The following SLC8A1 variants were observed in gnomAD, a reference collection of about 807,000 sequenced individuals.
SLC8A1 encodes the protein solute carrier family 8 member A1, also known as sodium/calcium exchanger 1.
SLC8A1 carries 18 observed loss-of-function variants against 68.3 expected under a neutral mutation model. The observed-to-expected ratio is 0.26, with a 90% confidence interval of 0.18 to 0.39. The LOEUF (loss-of-function observed/expected upper bound fraction) is 0.39. Among genes scored for constraint, SLC8A1 ranks in the 10% least tolerant of loss-of-function variants. The pLI, the probability that SLC8A1 is intolerant of heterozygous loss-of-function variation, is 1.00. For synonymous variants in SLC8A1, 475 were observed against 415.5 expected, an observed-to-expected ratio of 1.14 and a Z score of -1.74; for missense variants, 985 against 1,156.7, an observed-to-expected ratio of 0.85 and a Z score of 2.15.
chr2:40,444,685 C>G lies in SLC8A1; in HGVS notation c.-25+7219G>C, dbSNP rs529196230. Among the ~76,000 whole-genome samples the G allele has an allele frequency of 1.2e-4, 18 of 152,174 alleles. No homozygotes were observed. The East Asian group carries it at 2.5e-3, about 21-fold the overall frequency. ...AAATGTTTCTTACCTTTTAAAATTA[C>G]TGGAAAAAAAAGAATATTGCATGAT... is the stretch of plus-strand genomic sequence containing the variant. On this transcript the variant is annotated intron_variant, in intron 1 of 7. Coordinates refer to ENST00000406785, the Ensembl canonical transcript of SLC8A1.
At chr2:40,244,264 T>C (rs2061560875) in intron 2 of SLC8A1, among the ~76,000 whole-genome samples, 1 of 152,224 alleles carries the variant, frequency 6.6e-6, no homozygotes, top group African/African-American at 2.4e-5. Context: ...TCAGTGCACA[T>C]GAAGAGACCC....
chr2:40,236,481 A>C (rs1249885609), intron 2 of SLC8A1, among the ~76,000 whole-genome samples: 4 of 151,454 alleles, frequency 2.6e-5, no homozygotes, highest in Admixed American at 1.3e-4. Flanking sequence ...TTTTATTTTG[A>C]GCCTATGTGT....
chr2:40,358,816 A>C (rs556039749), intron 2 of SLC8A1, among the ~76,000 whole-genome samples: 2 of 152,206 alleles, frequency 1.3e-5, no homozygotes, highest in Non-Finnish European at 2.9e-5. Context: ...ACACTAATGA[A>C]TTTACAATGA....
chr2:40,376,666 G>A (rs76330953), intron 2 of SLC8A1, among the ~76,000 whole-genome samples: 4,129 of 152,210 alleles, frequency 0.027, 85 homozygotes, highest in Non-Finnish European at 0.04. Flanking sequence ...AGGCAACCAT[G>A]GAGTCACTTA....
chr2:40,353,386 C>T (rs1671705877), intron 2 of SLC8A1, among the ~76,000 whole-genome samples: 1 of 152,124 alleles, frequency 6.6e-6, no homozygotes, highest in Non-Finnish European at 1.5e-5. Context: ...AACTTGGCCT[C>T]ATCTGTGACC....
rs368503513 is a variant in SLC8A1 at position 40,357,254 on chromosome 2, G to A, written c.1808+71219C>T. Among the ~76,000 whole-genome samples the A allele has an allele frequency of 1.8e-3, 279 of 152,232 alleles. 8 individuals carry two copies. In the South Asian group the frequency reaches 0.055, roughly 30 times the overall value. ...TACCTCTAATCTCAGCACTTTGGGA[G>A]GCCGAAGCAGGAGGATCCCTTGAGC... On this transcript the variant is annotated intron_variant, in intron 2 of 7. Coordinates refer to ENST00000406785, the Ensembl canonical transcript of SLC8A1.
chr2:40,454,484 T>C (rs959324154), upstream of SLC8A1, among the ~76,000 whole-genome samples: 8 of 151,354 alleles, frequency 5.3e-5, no homozygotes, highest in African/African-American at 1.9e-4. Context: ...TTAAGACTTT[T>C]TTTTTTTTTT....
At chr2:40,369,966 G>A (rs1173474726) in intron 2 of SLC8A1, among the ~76,000 whole-genome samples, 1 of 152,024 alleles carries the variant, frequency 6.6e-6, no homozygotes, top group African/African-American at 2.4e-5. Context: ...TTTCTGTAAA[G>A]ATAAAGATCT....
intron 2 of SLC8A1, among the ~76,000 whole-genome samples, chr2:40,348,695 A>T (rs1670112374): frequency 6.6e-6 from 1 of 152,050 alleles, no homozygotes; most frequent in Non-Finnish European, 1.5e-5. Context: ...CTAGTGCTGA[A>T]ACGTGACCAG....
exon 8 of SLC8A1, chr2:40,101,001 A>T (rs1038423995): frequency 2.0e-5 from 3 of 152,194 alleles, no homozygotes; most frequent in Admixed American, 1.3e-4. Flanking sequence ...ATCAAAATGC[A>T]TATGAGTATT....
exon 7 of SLC8A1, chr2:40,139,673 T>A: frequency 6.2e-7 from 1 of 1,612,614 alleles, no homozygotes. Flanking sequence ...GTCATCATCT[T>A]CCCCTAGAGA....
chr2:40,175,509 T>TGC (rs1046489170), intron 3 of SLC8A1, among the ~76,000 whole-genome samples: 31 of 148,334 alleles, frequency 2.1e-4, no homozygotes, highest in Admixed American at 1.3e-3. Context: ...TACGTATATG[T>TGC]GTGTGTGTGT....
chr2:40,262,256 C>T (rs999627581), intron 2 of SLC8A1, among the ~76,000 whole-genome samples: 1 of 152,132 alleles, frequency 6.6e-6, no homozygotes, highest in Non-Finnish European at 1.5e-5. Flanking sequence ...CCACCGCACC[C>T]GGCCCTCTCT....
chr2:40,203,085 G>T (rs777152294), intron 2 of SLC8A1, among the ~76,000 whole-genome samples: 11 of 151,938 alleles, frequency 7.2e-5, no homozygotes, highest in Admixed American at 6.6e-4. Flanking sequence ...GCTCACAGTC[G>T]ATAAAACAAA....
intron 2 of SLC8A1, among the ~76,000 whole-genome samples, chr2:40,409,587 A>G (rs1691465975): frequency 6.6e-6 from 1 of 152,132 alleles, no homozygotes; most frequent in African/African-American, 2.4e-5. Flanking sequence ...TACAGCCCAA[A>G]CTGCATCTAC....
chr2:40,480,379 A>T (rs1704552738), intron 1 of SLC8A1, among the ~76,000 whole-genome samples: 1 of 152,138 alleles, frequency 6.6e-6, no homozygotes, highest in Admixed American at 6.5e-5. Context: ...TAGTGTCCTT[A>T]TGAAAAAAAG....
intron 2 of SLC8A1, among the ~76,000 whole-genome samples, chr2:40,291,791 T>G (rs2069375407): frequency 6.6e-6 from 1 of 152,142 alleles, no homozygotes; most frequent in Non-Finnish European, 1.5e-5. Context: ...AATATAAACA[T>G]TTTTATCATA....
At chr2:40,491,677 T>C (rs1380407014) in intron 1 of SLC8A1, among the ~76,000 whole-genome samples, 1 of 151,858 alleles carries the variant, frequency 6.6e-6, no homozygotes, top group African/African-American at 2.4e-5. Flanking sequence ...TTATTGAGAG[T>C]TTTTAGCATG....
At chr2:40,394,694 G>C (rs1181858753) in intron 2 of SLC8A1, among the ~76,000 whole-genome samples, 2 of 152,032 alleles carry the variant, frequency 1.3e-5, no homozygotes, top group Non-Finnish European at 1.5e-5. Context: ...CATGTATAGA[G>C]TGCCTGTTGC....
Sources: allele counts gnomAD v4.1 joint callset (sites outside exome capture counted in the v4.1 genomes callset), GRCh38; gene constraint gnomAD v4.1.1; transcripts MANE v1.5; gene names NCBI Gene and HGNC (gene_info 2026-07-23, HGNC 2026-07-21).